Variants in GRIA4 observed in about 807,000 individuals in gnomAD.
The protein encoded by GRIA4 is glutamate ionotropic receptor AMPA type subunit 4, also known as glutamate receptor 4.
GRIA4 carries 34 observed loss-of-function variants against 104.0 expected under a neutral mutation model. The observed-to-expected ratio is 0.33, with a 90% CI of 0.25 to 0.44. The LOEUF (loss-of-function observed/expected upper bound fraction) is 0.44, where lower values mean the gene tolerates loss of function less well. GRIA4 is among the 20% of genes least tolerant of loss of function. The probability of loss-of-function intolerance (pLI) is 1.00; values close to 1 mark genes in which losing one functional copy is unlikely to be tolerated. For missense variants in GRIA4, 750 were observed against 1,096.5 expected (o/e 0.68, Z 4.46); for synonymous variants, 386 against 381.9 (o/e 1.01, Z -0.13).
intron 3 of GRIA4, among the ~76,000 whole-genome samples, chr11:105,618,434 T>C (rs937952024): frequency 2.6e-5 from 4 of 152,034 alleles, no homozygotes; most frequent in Non-Finnish European, 4.4e-5. Context: ...GAAAAGCACA[T>C]AGATCCAACG....
At chr11:105,720,022 G>A (rs1308634072) in intron 3 of GRIA4, among the ~76,000 whole-genome samples, 1 of 151,526 alleles carries the variant, frequency 6.6e-6, no homozygotes, top group African/African-American at 2.4e-5. Context: ...ATTGCAAAAT[G>A]TATTCACTTG....
chr11:105,635,426 G>A (rs567492160), intron 3 of GRIA4, among the ~76,000 whole-genome samples: 41 of 152,254 alleles, frequency 2.7e-4, no homozygotes, highest in Non-Finnish European at 4.4e-4. Context: ...TAACTGCCAA[G>A]CATAAGAATA....
In GRIA4 at chr11:105,888,271, C is replaced by CTTTTTTTTTTTTTTT. The variant is rs71469040; in HGVS notation, c.726+715_726+729dup. On this transcript the variant is annotated intron_variant, in intron 6 of 16. Coordinates refer to ENST00000282499, the MANE Select transcript of GRIA4 (RefSeq NM_000829.4). ...TTGGAGAAGTTAAGGATGTTTTCTC[C>CTTTTTTTTTTTTTTT]TTTTTTTTTTTTTTTTTTTTTTTTT... Among the ~76,000 whole-genome samples, 17 of 54,574 alleles carry CTTTTTTTTTTTTTTT rather than the reference C, an allele frequency of 3.1e-4. 3 individuals are homozygous for CTTTTTTTTTTTTTTT. The highest frequency in any genetic ancestry group is 6.4e-4 in the African/African-American group (8 of 12,526). The allele number at this position is 54,574 out of a possible 152,430, so 35.8% of individuals were successfully genotyped here. A position where few individuals can be genotyped will look rare whatever the true frequency, so the allele number is the denominator to read the frequency against.
intron 3 of GRIA4, among the ~76,000 whole-genome samples, chr11:105,659,735 C>A (rs867114923): frequency 6.6e-6 from 1 of 151,840 alleles, no homozygotes; most frequent in Middle Eastern, 3.4e-3. Context: ...TTTTTTATTT[C>A]CTAATTCTAA....
At chr11:105,917,981 C>T (rs1019138847) in intron 10 of GRIA4, among the ~76,000 whole-genome samples, 2 of 151,982 alleles carry the variant, frequency 1.3e-5, no homozygotes, top group African/African-American at 4.8e-5. Flanking sequence ...AGTATCACCT[C>T]AAGTGTATGC....
intron 3 of GRIA4, among the ~76,000 whole-genome samples, chr11:105,685,134 G>C (rs553829158): frequency 1.1e-4 from 16 of 147,424 alleles, no homozygotes; most frequent in South Asian, 2.2e-4. Flanking sequence ...AGGAAAGAAG[G>C]GAGGGAGGGA....
intron 4 of GRIA4, among the ~76,000 whole-genome samples, chr11:105,767,120 C>T (rs570192989): frequency 4.6e-5 from 7 of 152,128 alleles, no homozygotes; most frequent in African/African-American, 1.2e-4. Flanking sequence ...ATATACTTGT[C>T]AAATGAAATT....
chr11:105,868,775 T>C (rs1342684413), intron 5 of GRIA4, among the ~76,000 whole-genome samples: 1 of 152,138 alleles, frequency 6.6e-6, no homozygotes. Flanking sequence ...AGCAGTCATA[T>C]CAGCAATTTC....
chr11:105,652,299 A>T (rs1281367756), intron 3 of GRIA4, among the ~76,000 whole-genome samples: 1 of 152,196 alleles, frequency 6.6e-6, no homozygotes, highest in Non-Finnish European at 1.5e-5. Context: ...AAGCACAGGA[A>T]CAAGAACATA....
intron 3 of GRIA4, among the ~76,000 whole-genome samples, chr11:105,656,155 C>T (rs1951838139): frequency 6.6e-6 from 1 of 152,078 alleles, no homozygotes; most frequent in Non-Finnish European, 1.5e-5. Context: ...CTGTTTATAT[C>T]CTTTGCCTAC....
chr11:105,885,359 G>A (rs1186243433), intron 5 of GRIA4, among the ~76,000 whole-genome samples: 1 of 152,058 alleles, frequency 6.6e-6, no homozygotes, highest in African/African-American at 2.4e-5. Flanking sequence ...TCATCTTCAT[G>A]GTAAGATTCT....
intron 4 of GRIA4, among the ~76,000 whole-genome samples, chr11:105,783,597 A>T (rs1298060806): frequency 6.6e-6 from 1 of 152,230 alleles, no homozygotes; most frequent in East Asian, 1.9e-4. Context: ...TTTATCGTCC[A>T]TAGGTTTCTT....
At chr11:105,936,711 A>C (rs1948048603) in intron 14 of GRIA4, among the ~76,000 whole-genome samples, 1 of 152,184 alleles carries the variant, frequency 6.6e-6, no homozygotes, top group South Asian at 2.1e-4. Context: ...CAGAATTGAA[A>C]ATTAGGACTT....
At chr11:105,769,108 T>C (rs185414609) in intron 4 of GRIA4, among the ~76,000 whole-genome samples, 1 of 152,210 alleles carries the variant, frequency 6.6e-6, no homozygotes, top group Admixed American at 6.6e-5. Context: ...AGTAAGAGAA[T>C]TATGAAGCAA....
intron 3 of GRIA4, among the ~76,000 whole-genome samples, chr11:105,657,345 A>G: frequency 6.6e-6 from 1 of 152,014 alleles, no homozygotes; most frequent in Non-Finnish European, 1.5e-5. Flanking sequence ...GTAACCAAAC[A>G]CCACCTGTTC....
intron 3 of GRIA4, among the ~76,000 whole-genome samples, chr11:105,680,648 T>G (rs1057158824): frequency 2.6e-5 from 4 of 152,126 alleles, no homozygotes; most frequent in Non-Finnish European, 5.9e-5. Flanking sequence ...ACTTCTGTGC[T>G]TTTTAAAAAA....
At chr11:105,957,234 T>C (rs1002459972) in intron 14 of GRIA4, among the ~76,000 whole-genome samples, 1 of 152,236 alleles carries the variant, frequency 6.6e-6, no homozygotes, top group Non-Finnish European at 1.5e-5. Flanking sequence ...AGGGTTTTTA[T>C]GGCTTTTAGG....
chr11:105,849,500 A>G (rs973489593), intron 4 of GRIA4, among the ~76,000 whole-genome samples: 4 of 152,204 alleles, frequency 2.6e-5, no homozygotes, highest in Admixed American at 1.3e-4. Flanking sequence ...TAAAATGAAT[A>G]GCTAATTGAG....
At chr11:105,974,683 G>A (rs1858885025) in intron 16 of GRIA4, 1 of 944,654 alleles carries the variant, frequency 1.1e-6, no homozygotes, top group African/African-American at 1.7e-5. Flanking sequence ...AAACTTCAGT[G>A]CAAATTGGTT....
Sources: gnomAD v4.1 joint callset for allele counts (sites outside exome capture counted in the v4.1 genomes callset) on GRCh38, gnomAD v4.1.1 for gene constraint, MANE v1.5 for transcripts, NCBI Gene and HGNC (gene_info 2026-07-23, HGNC 2026-07-21) for gene names.